The following CORIN variants were observed in gnomAD, a reference collection of about 807,000 sequenced individuals.
CORIN encodes the protein corin, serine peptidase.
Under a neutral mutation model 125.3 loss-of-function variants are expected in CORIN, and 117 were observed. The observed-to-expected ratio is 0.93, with a 90% CI of 0.80 to 1.09. The LOEUF (loss-of-function observed/expected upper bound fraction) is 1.09, where lower values mean the gene tolerates loss of function less well. Ranked by LOEUF, CORIN falls within the 50% of genes least tolerant of loss-of-function variation. The pLI is 0.00. For missense variants in CORIN, 1,253 were observed against 1,306.7 expected (o/e 0.96, Z 0.63); for synonymous variants, 450 against 466.4 (o/e 0.96, Z 0.45).
intron 1 of CORIN, among the ~76,000 whole-genome samples, chr4:47,834,708 T>A (rs1733288546): frequency 6.6e-6 from 1 of 152,216 alleles, no homozygotes; most frequent in African/African-American, 2.4e-5. Flanking sequence ...GTTTTATAGA[T>A]GTATACTTGT....
At chr4:47,834,990 T>A (rs1733311181) in intron 1 of CORIN, among the ~76,000 whole-genome samples, 1 of 152,124 alleles carries the variant, frequency 6.6e-6, no homozygotes, top group South Asian at 2.1e-4. Context: ...GAGTCAGAGG[T>A]CTGACACCAA....
intron 19 of CORIN, among the ~76,000 whole-genome samples, chr4:47,622,133 AATG>A (rs1341134837): frequency 1.3e-5 from 2 of 149,582 alleles, no homozygotes; most frequent in African/African-American, 2.5e-5. Flanking sequence ...GTTTACTGAG[AATG>A]ATGATTTCCA....
intron 16 of CORIN, among the ~76,000 whole-genome samples, chr4:47,639,447 A>T (rs1369464667): frequency 6.6e-6 from 1 of 152,194 alleles, no homozygotes; most frequent in Non-Finnish European, 1.5e-5. Context: ...TGCCTAGTCC[A>T]GTACAAGGCC....
At chr4:47,721,293 G>A (rs1412576722) in intron 5 of CORIN, among the ~76,000 whole-genome samples, 46 of 149,766 alleles carry the variant, frequency 3.1e-4, no homozygotes, top group African/African-American at 9.1e-4. Flanking sequence ...TTTTTGAGAC[G>A]GAGTCTTGCT....
intron 4 of CORIN, among the ~76,000 whole-genome samples, chr4:47,756,396 C>T (rs776798774): frequency 6.6e-5 from 10 of 152,188 alleles, no homozygotes; most frequent in Non-Finnish European, 1.3e-4. Context: ...AACTTTCAAG[C>T]GCATTCTCTG....
intron 5 of CORIN, among the ~76,000 whole-genome samples, chr4:47,709,710 C>T (rs944749577): frequency 6.6e-6 from 1 of 152,152 alleles, no homozygotes; most frequent in Admixed American, 6.5e-5. Flanking sequence ...TTTTTTCTTA[C>T]TCAATGTTTT....
At chr4:47,766,839 G>C (rs9996567) in intron 3 of CORIN, among the ~76,000 whole-genome samples, 5 of 151,274 alleles carry the variant, frequency 3.3e-5, no homozygotes, top group Non-Finnish European at 5.9e-5. Context: ...CCAGCTACTC[G>C]GGAGGCTGAG....
At chr4:47,624,592 GAT>G (rs774030271) in intron 17 of CORIN, among the ~76,000 whole-genome samples, 7 of 152,152 alleles carry the variant, frequency 4.6e-5, no homozygotes, top group Non-Finnish European at 1.0e-4. Flanking sequence ...TAGACGACAT[GAT>G]CAGAACTAGT....
At chr4:47,726,740 G>A (rs1344479581) in intron 5 of CORIN, among the ~76,000 whole-genome samples, 1 of 151,962 alleles carries the variant, frequency 6.6e-6, no homozygotes, top group Non-Finnish European at 1.5e-5. Flanking sequence ...CTTTCAGAAA[G>A]TAACTCTGAT....
chr4:47,786,853 G>T lies in CORIN; in HGVS notation c.281C>A (p.Ser94Tyr). The T allele has an allele frequency of 6.2e-7, 1 of 1,613,736 alleles. No homozygotes were observed. The highest frequency in any genetic ancestry group is 8.5e-7 in the Non-Finnish European group (1 of 1,179,710). ...PLVTDGEIQG[S>Y]DVILTNTIYN... is the part of the protein sequence containing the mutation. ...AATTGTATTTGTAAGAATAACATCG[G>T]ACCCTTGGATTTCACCATCAGTGAC... Residue 94 changes from serine to tyrosine, a missense_variant, in exon 3 of 22, where the codon TCC (serine) becomes TAC (tyrosine). Coordinates refer to ENST00000273857, the MANE Select transcript of CORIN (RefSeq NM_006587.4).
intron 6 of CORIN, among the ~76,000 whole-genome samples, chr4:47,691,427 T>C (rs1725763541): frequency 6.6e-6 from 1 of 152,182 alleles, no homozygotes; most frequent in African/African-American, 2.4e-5. Context: ...TTATGTAAAA[T>C]TGTGTGCCAT....
chr4:47,750,774 T>C (rs893665559), intron 4 of CORIN, among the ~76,000 whole-genome samples: 4 of 152,162 alleles, frequency 2.6e-5, no homozygotes, highest in Non-Finnish European at 4.4e-5. Context: ...GTGGCTTCCA[T>C]TGGCTGAACC....
At chr4:47,630,523 A>G (rs1722764878) in intron 16 of CORIN, among the ~76,000 whole-genome samples, 1 of 152,168 alleles carries the variant, frequency 6.6e-6, no homozygotes, top group Non-Finnish European at 1.5e-5. Flanking sequence ...GGTAATACAG[A>G]CTCAAAATGC....
rs1721523522 is a variant in CORIN at position 47,603,381 on chromosome 4, T to G, written c.2812+16A>C. The G allele has an allele frequency of 6.2e-7, 1 of 1,612,172 alleles. No individual in the cohort carries two copies. The highest frequency in any genetic ancestry group is 8.5e-7 in the Non-Finnish European group (1 of 1,179,522). ...TGCTTATAGCAGCATGAGAATGGACTAATACACTGGCTTACTTTTATTGCC... is the reference window on the plus strand; with the variant it reads ...TGCTTATAGCAGCATGAGAATGGACGAATACACTGGCTTACTTTTATTGCC... On this transcript the variant is annotated intron_variant, in intron 20 of 21. Transcript: ENST00000273857.
chr4:47,823,551 C>T (rs928973278), intron 1 of CORIN, among the ~76,000 whole-genome samples: 2 of 152,198 alleles, frequency 1.3e-5, no homozygotes, highest in Non-Finnish European at 2.9e-5. Context: ...CATATGTACA[C>T]ATACACATAG....
At chr4:47,596,474 A>G (rs1721253422) in intron 21 of CORIN, among the ~76,000 whole-genome samples, 1 of 152,212 alleles carries the variant, frequency 6.6e-6, no homozygotes, top group African/African-American at 2.4e-5. Flanking sequence ...ACCACTTAAA[A>G]TTATAATGAA....
intron 4 of CORIN, among the ~76,000 whole-genome samples, chr4:47,747,510 TATTTC>T (rs57541844): frequency 0.045 from 6,812 of 152,206 alleles, 463 homozygotes; most frequent in African/African-American, 0.15. Context: ...TATTTTATTT[TATTTC>T]ATTTCATTTC....
chr4:47,779,617 G>T (rs2109903441), intron 3 of CORIN, among the ~76,000 whole-genome samples: 1 of 151,864 alleles, frequency 6.6e-6, no homozygotes, highest in Admixed American at 6.6e-5. Context: ...TGTATTTTTA[G>T]TAGAGACAAG....
chr4:47,779,147 T>C (rs957245259), intron 3 of CORIN, among the ~76,000 whole-genome samples: 1 of 152,242 alleles, frequency 6.6e-6, no homozygotes, highest in Admixed American at 6.5e-5. Flanking sequence ...TTTCAAGATA[T>C]TATTTATGCT....
Sources: allele counts gnomAD v4.1 joint callset (sites outside exome capture counted in the v4.1 genomes callset), GRCh38; gene constraint gnomAD v4.1.1; transcripts MANE v1.5; gene names NCBI Gene and HGNC (gene_info 2026-07-23, HGNC 2026-07-21).